The following RGS22 variants were observed in gnomAD, a reference collection of about 807,000 sequenced individuals.
The protein encoded by RGS22 is regulator of G-protein signaling 22.
A neutral mutation model predicts 172.9 loss-of-function variants in RGS22; 148 were observed. That is an observed-to-expected ratio of 0.86 (90% confidence interval 0.75 to 0.98). RGS22 has a LOEUF of 0.98. Among genes scored for constraint, RGS22 ranks in the 50% least tolerant of loss-of-function variants. RGS22 has a pLI of 0.00. For missense variants in RGS22, 1,347 were observed against 1,440.8 expected (o/e 0.93, Z 1.05); for synonymous variants, 458 against 480.2 (o/e 0.95, Z 0.60).
chr8:99,972,682 A>C (rs1030946383), intron 23 of RGS22, among the ~76,000 whole-genome samples: 9 of 152,206 alleles, frequency 5.9e-5, no homozygotes, highest in African/African-American at 1.9e-4. Flanking sequence ...TAGAGAAATA[A>C]AAATCAAAAC....
chr8:100,007,136 G>A (rs1232260907), intron 15 of RGS22, among the ~76,000 whole-genome samples: 1 of 152,102 alleles, frequency 6.6e-6, no homozygotes, highest in East Asian at 1.9e-4. Flanking sequence ...AATCATAATA[G>A]TTGTTTCAGT....
At chr8:100,024,766 A>G (rs1817992930) in intron 14 of RGS22, among the ~76,000 whole-genome samples, 1 of 152,198 alleles carries the variant, frequency 6.6e-6, no homozygotes, top group Non-Finnish European at 1.5e-5. Flanking sequence ...ACCAATTGCT[A>G]AATGGATGGC....
chr8:100,019,115 C>A (rs1175070329), intron 14 of RGS22, among the ~76,000 whole-genome samples: 1 of 152,198 alleles, frequency 6.6e-6, no homozygotes, highest in Non-Finnish European at 1.5e-5. Flanking sequence ...AAGCACCCAG[C>A]AAAGTATTCT....
intron 14 of RGS22, among the ~76,000 whole-genome samples, chr8:100,031,174 TG>T (rs1024227130): frequency 6.6e-6 from 1 of 152,182 alleles, no homozygotes; most frequent in African/African-American, 2.4e-5. Flanking sequence ...TTACAGAACA[TG>T]AAACCAAGAC....
chr8:99,989,752 C>T (rs571139407), intron 20 of RGS22, among the ~76,000 whole-genome samples: 10 of 151,984 alleles, frequency 6.6e-5, no homozygotes, highest in African/African-American at 1.2e-4. Context: ...GTTTGAGGCA[C>T]GAGACTTGCT....
At chr8:100,084,865 T>A (rs756672046) in intron 3 of RGS22, among the ~76,000 whole-genome samples, 1 of 152,226 alleles carries the variant, frequency 6.6e-6, no homozygotes, top group Non-Finnish European at 1.5e-5. Flanking sequence ...TTTTTGTCTA[T>A]GATAAAGAGT....
At chr8:99,961,570 C>G (rs1810196322) in intron 27 of RGS22, among the ~76,000 whole-genome samples, 1 of 152,190 alleles carries the variant, frequency 6.6e-6, no homozygotes. Flanking sequence ...GCTTCCCTAG[C>G]CACATGGAAC....
At chr8:100,034,330 CAGAG>C (rs1348867801) in intron 14 of RGS22, among the ~76,000 whole-genome samples, 9 of 152,100 alleles carry the variant, frequency 5.9e-5, no homozygotes, top group Non-Finnish European at 8.8e-5. Context: ...AACAGACAAA[CAGAG>C]AGCCAAATCA....
rs1228905904 is a variant in RGS22 at position 100,083,841 on chromosome 8, T to G, written c.118-3486A>C. Among the ~76,000 whole-genome samples the G allele has an allele frequency of 9.3e-5, 14 of 150,372 alleles. 1 individual carries two copies. The South Asian group carries it at 2.9e-3, about 31-fold the overall frequency. On this transcript the variant is annotated intron_variant, in intron 3 of 27. Transcript: ENST00000360863. ...GCGTAATTTCTTTTCTTTTTTTTTT[T>G]TTTTTTTGTTTTTTGTTTTTTCTGA...
chr8:100,060,800 C>T (rs1298688182), intron 9 of RGS22, among the ~76,000 whole-genome samples: 1 of 152,014 alleles, frequency 6.6e-6, no homozygotes, highest in Non-Finnish European at 1.5e-5. Context: ...AGATTCTTCA[C>T]AGAACTAGAA....
At chr8:100,039,906 C>T (rs1015163540) in intron 13 of RGS22, 56 bp downstream of exon 13, 2 of 1,117,930 alleles carry the variant, frequency 1.8e-6, no homozygotes, top group African/African-American at 1.6e-5. Flanking sequence ...ATTTTGATGT[C>T]TCATTTTTAA....
intron 4 of RGS22, among the ~76,000 whole-genome samples, chr8:100,073,179 T>C (rs953212516): frequency 1.3e-5 from 2 of 152,164 alleles, no homozygotes; most frequent in African/African-American, 4.8e-5. Context: ...GGTAAATGTA[T>C]TTGCATTTAT....
At chr8:100,012,832 TA>T (rs778110547) in intron 14 of RGS22, among the ~76,000 whole-genome samples, 16 of 152,238 alleles carry the variant, frequency 1.1e-4, no homozygotes, top group Non-Finnish European at 2.1e-4. Context: ...AGGGGAGAAA[TA>T]TTTTTTTGAA....
chr8:100,063,314 T>C, intron 8 of RGS22, 102 bp downstream of exon 8: 1 of 777,352 alleles, frequency 1.3e-6, no homozygotes, highest in Non-Finnish European at 1.9e-6. Context: ...AAAAATTACA[T>C]TTTTTAAAAT....
intron 9 of RGS22, among the ~76,000 whole-genome samples, chr8:100,060,321 G>A (rs927103432): frequency 1.3e-5 from 2 of 148,738 alleles, no homozygotes; most frequent in African/African-American, 4.9e-5. Flanking sequence ...TTTCACCCTT[G>A]TATTCTCAGC....
chr8:100,063,060 T>C (rs1159424804), intron 8 of RGS22, among the ~76,000 whole-genome samples: 1 of 152,204 alleles, frequency 6.6e-6, no homozygotes, highest in Non-Finnish European at 1.5e-5. Flanking sequence ...GTCTATTTTA[T>C]GCTAGTGTGG....
chr8:99,981,183 T>C (rs1254725513), intron 22 of RGS22, among the ~76,000 whole-genome samples: 5 of 152,218 alleles, frequency 3.3e-5, no homozygotes, highest in Admixed American at 1.3e-4. Context: ...AAAGGCTTTT[T>C]AAAATGCAAA....
chr8:100,060,402 G>GTGTATATATATATATATATATATATA (rs1193942289), intron 9 of RGS22, among the ~76,000 whole-genome samples: 1 of 102,934 alleles, frequency 9.7e-6, no homozygotes, highest in African/African-American at 3.1e-5. Flanking sequence ...TTAGCTACGT[G>GTGTATATATATATATATATATATATA]TATATATATA....
At chr8:100,034,546 T>C (rs968705208) in intron 14 of RGS22, among the ~76,000 whole-genome samples, 18 of 152,146 alleles carry the variant, frequency 1.2e-4, no homozygotes, top group African/African-American at 4.1e-4. Flanking sequence ...CTGTCCAAGG[T>C]AATTTATAGA....
Sources: allele counts gnomAD v4.1 joint callset (sites outside exome capture counted in the v4.1 genomes callset), GRCh38; gene constraint gnomAD v4.1.1; transcripts MANE v1.5; gene names NCBI Gene and HGNC (gene_info 2026-07-23, HGNC 2026-07-21).